Variants in ZNF571 observed in about 807,000 individuals in gnomAD.
ZNF571 encodes zinc finger protein 571.
ZNF571 carries 4 observed loss-of-function variants against 7.7 expected under a neutral mutation model. That is an observed-to-expected ratio of 0.52 (90% confidence interval 0.25 to 1.18). The LOEUF (loss-of-function observed/expected upper bound fraction) is 1.18, where lower values mean the gene tolerates loss of function less well. Ranked by LOEUF, ZNF571 falls within the 50% of genes most tolerant of loss-of-function variation. ZNF571 has a pLI of 0.14. For missense variants in ZNF571, 704 were observed against 726.9 expected (o/e 0.97, Z 0.36); for synonymous variants, 251 against 232.4 (o/e 1.08, Z -0.73).
In ZNF571 at chr19:37,584,053, C is replaced by T. The variant is rs762403894; in HGVS notation, c.54G>A (p.Glu18=). The T allele has an allele frequency of 6.2e-7, 1 of 1,614,014 alleles. No individual in the cohort carries two copies. The highest frequency in any genetic ancestry group is 2.2e-5 in the East Asian group (1 of 44,892). ...FRDVAIDFSQ[E]EWECLDPAQR... is the part of the protein sequence containing the mutation. The stretch of plus-strand genomic sequence containing the variant: ...GAGCAGGGTCCAGGCATTCCCATTC[C>T]TCCTGAGAGAAGTCAATGGCCACAT... The change falls in exon 3 of 4, where the codon GAG becomes GAA. Residue 18 remains glutamate, a synonymous_variant. Transcript: ENST00000451802.
Position 37,564,843 on chromosome 19 carries a change from G to T in ZNF571, c.1585C>A (p.Pro529Thr), listed in dbSNP as rs1600452748. The T allele has an allele frequency of 6.2e-7, 1 of 1,613,962 alleles. No homozygotes were observed. The highest frequency in any genetic ancestry group is 8.5e-7 in the Non-Finnish European group (1 of 1,179,932). ...TTCCCACACTGTTTACATTCATAAG[G>T]TTTTTCACCTCTGTGAATTCTCTGA... is the stretch of plus-strand genomic sequence containing the variant. Reference protein sequence around the residue: ...EHQRIHRGEKPYECKQCGKAF... With the variant: ...EHQRIHRGEKTYECKQCGKAF... The change falls in exon 4 of 4, where the codon CCT becomes ACT. Residue 529 changes from proline (P) to threonine (T), a missense_variant. Pro to Thr is a conservative substitution (Grantham distance 38). Transcript: ENST00000451802.
chr19:37,584,325 A>T (rs1384909627), intron 2 of ZNF571, among the ~76,000 whole-genome samples: 2 of 152,182 alleles, frequency 1.3e-5, no homozygotes, highest in African/African-American at 4.8e-5. Context: ...AGAATTTAAA[A>T]AGCCAGATGT....
At chr19:37,578,744 C>T (rs1303576875) in intron 3 of ZNF571, among the ~76,000 whole-genome samples, 1 of 151,950 alleles carries the variant, frequency 6.6e-6, no homozygotes, top group Non-Finnish European at 1.5e-5. Flanking sequence ...AGATAGCAGA[C>T]CATGCAACCC....
rs113099957 is a variant in ZNF571, at chr19:37,586,502, T to C, written c.9+166A>G. On this transcript the variant is annotated intron_variant, in intron 2 of 3. Transcript: ENST00000451802. Reference sequence around the variant, plus strand: ...AAACTGTTTGGAGAGGGGAAAAGCATTGAGAAGAATTGGGCTCTTTGCTAC... The same window carrying C: ...AAACTGTTTGGAGAGGGGAAAAGCACTGAGAAGAATTGGGCTCTTTGCTAC... 1,229 of 702,412 alleles carry C rather than the reference T, an allele frequency of 1.7e-3. 10 individuals carry two copies. The African/African-American group carries it at 0.02, about 11-fold the overall frequency. The allele number at this position is 702,412 out of a possible 1,614,324, so 43.5% of individuals were successfully genotyped here. A position where few individuals can be genotyped will look rare whatever the true frequency, so the allele number is the denominator to read the frequency against.
At chr19:37,573,197 T>G (rs1476326333) in intron 3 of ZNF571, among the ~76,000 whole-genome samples, 2 of 152,184 alleles carry the variant, frequency 1.3e-5, no homozygotes, top group Admixed American at 1.3e-4. Flanking sequence ...CATTTTTACT[T>G]AATGGATGAT....
intron 1 of ZNF571, 147 bp from the exon 2 acceptor site, chr19:37,586,892 A>G (rs2147204834): frequency 1.7e-6 from 1 of 594,858 alleles, no homozygotes; most frequent in Middle Eastern, 3.4e-4. Flanking sequence ...GCTACTGCAG[A>G]AGGGGTTCAG....
intron 3 of ZNF571, among the ~76,000 whole-genome samples, chr19:37,580,899 C>G (rs2043433371): frequency 6.6e-6 from 1 of 152,170 alleles, no homozygotes; most frequent in Non-Finnish European, 1.5e-5. Context: ...CCTCAGGTAT[C>G]CTTTATAGTA....
chr19:37,578,368 G>C (rs1054996024), intron 3 of ZNF571, among the ~76,000 whole-genome samples: 2 of 152,148 alleles, frequency 1.3e-5, no homozygotes, highest in Admixed American at 1.3e-4. Flanking sequence ...GAGAGAGTGA[G>C]AGTCCCTGGG....
intron 3 of ZNF571, chr19:37,566,508 C>T (rs913319181): frequency 4.0e-6 from 2 of 498,224 alleles, no homozygotes; most frequent in Non-Finnish European, 6.8e-6. Flanking sequence ...TAGGTTAAGT[C>T]AGTGGTTCTC....
At chr19:37,567,345 C>G (rs2042896742) in intron 3 of ZNF571, among the ~76,000 whole-genome samples, 1 of 152,198 alleles carries the variant, frequency 6.6e-6, no homozygotes, top group Admixed American at 6.5e-5. Context: ...TTCCTTCATT[C>G]ATAAATCTCC....
At chr19:37,590,938 T>C (rs977316468) in intron 1 of ZNF571, among the ~76,000 whole-genome samples, 11 of 152,244 alleles carry the variant, frequency 7.2e-5, no homozygotes, top group Admixed American at 5.9e-4. Flanking sequence ...CAAACAATTA[T>C]ATTTTAGAAT....
At chr19:37,584,195 C>T (rs772249411) in intron 2 of ZNF571, 98 bp from the exon 3 acceptor site, 4 of 1,564,320 alleles carry the variant, frequency 2.6e-6, no homozygotes, top group Non-Finnish European at 3.5e-6. Flanking sequence ...GCAAGTAACA[C>T]AAAACAACAG....
chr19:37,586,327 G>A, intron 2 of ZNF571: 1 of 226,620 alleles, frequency 4.4e-6, no homozygotes, highest in Non-Finnish European at 8.5e-6. Flanking sequence ...ATTTTGTCAT[G>A]TATCACATTT....
chr19:37,589,486 A>T (rs2147210984), intron 1 of ZNF571, among the ~76,000 whole-genome samples: 1 of 145,164 alleles, frequency 6.9e-6, no homozygotes, highest in South Asian at 2.3e-4. Context: ...CAGACAATTC[A>T]TAAAAAAAAA....
chr19:37,591,629 C>T (rs1289867123), intron 1 of ZNF571, among the ~76,000 whole-genome samples: 2 of 152,208 alleles, frequency 1.3e-5, no homozygotes, highest in Non-Finnish European at 2.9e-5. Context: ...ACCACAACCT[C>T]GGCCTCCCGG....
intron 3 of ZNF571, among the ~76,000 whole-genome samples, chr19:37,572,016 AATTAGTACAT>A (rs796788410): frequency 6.6e-6 from 1 of 151,654 alleles, no homozygotes; most frequent in Non-Finnish European, 1.5e-5. Flanking sequence ...ATATGGCCAT[AATTAGTACAT>A]TAGTCCTATC....
intron 3 of ZNF571, among the ~76,000 whole-genome samples, chr19:37,576,470 T>C (rs1377445049): frequency 2.6e-5 from 4 of 152,120 alleles, no homozygotes; most frequent in African/African-American, 4.8e-5. Context: ...TACTCTACCA[T>C]ACAGCCACAG....
chr19:37,590,105 CA>C (rs35486913), intron 1 of ZNF571, among the ~76,000 whole-genome samples: 117,165 of 151,162 alleles, frequency 0.78, 45,521 homozygotes, highest in South Asian at 0.87. Context: ...AGATAAGGGG[CA>C]AAAAAAGGCT....
intron 3 of ZNF571, chr19:37,567,574 C>T (rs191592384): frequency 9.2e-5 from 14 of 152,272 alleles, no homozygotes; most frequent in African/African-American, 3.1e-4. Context: ...TCTTATTGGC[C>T]TGATTTAAGT....
Sources: allele counts gnomAD v4.1 joint callset (sites outside exome capture counted in the v4.1 genomes callset), GRCh38; gene constraint gnomAD v4.1.1; transcripts MANE v1.5; gene names NCBI Gene and HGNC (gene_info 2026-07-23, HGNC 2026-07-21).